The following GNAI3 variants were observed in gnomAD, a reference collection of about 807,000 sequenced individuals.
GNAI3 encodes guanine nucleotide-binding protein G(i) subunit alpha-3.
GNAI3 carries 12 observed loss-of-function variants against 41.8 expected under a neutral mutation model. The ratio of observed to expected loss-of-function variants is 0.29; its 90% CI spans 0.18 to 0.47. GNAI3 has a LOEUF of 0.47. Ranked by LOEUF, GNAI3 falls within the 20% of genes least tolerant of loss-of-function variation. The probability of loss-of-function intolerance (pLI) is 1.00; values close to 1 mark genes in which losing one functional copy is unlikely to be tolerated. For missense variants in GNAI3, 360 were observed against 429.6 expected (o/e 0.84, Z 1.43); for synonymous variants, 132 against 146.5 (o/e 0.90, Z 0.71).
Position 109,592,867 on chromosome 1 carries a change from A to G in GNAI3, c.*545A>G, listed in dbSNP as rs939288132. ...GGTATGGTCAGAATATAATACTTCCATAATTACTTATAATTCTTTCCGGTT... is the reference window on the plus strand; with the variant it reads ...GGTATGGTCAGAATATAATACTTCCGTAATTACTTATAATTCTTTCCGGTT... On this transcript the variant is annotated 3_prime_UTR_variant, in exon 9 of 9. Coordinates refer to ENST00000369851, the MANE Select transcript of GNAI3 (RefSeq NM_006496.4). 1 of 152,628 alleles carries G rather than the reference A, an allele frequency of 6.6e-6. No individual in the cohort carries two copies. The highest frequency in any genetic ancestry group is 2.4e-5 in the African/African-American group (1 of 41,446). The allele number at this position is 152,628 out of a possible 1,614,324, so 9.5% of individuals were successfully genotyped here. A position where few individuals can be genotyped will look rare whatever the true frequency, so the allele number is the denominator to read the frequency against.
At chr1:109,559,124 G>A (rs1315081683) in intron 1 of GNAI3, among the ~76,000 whole-genome samples, 3 of 151,878 alleles carry the variant, frequency 2.0e-5, no homozygotes, top group Non-Finnish European at 2.9e-5. Context: ...GTTGCAGCGC[G>A]CTGAGATTGT....
intron 7 of GNAI3, chr1:109,591,723 A>G (rs1313125677): frequency 8.1e-6 from 3 of 368,362 alleles, no homozygotes; most frequent in Non-Finnish European, 1.5e-5. Flanking sequence ...TTCCCTAGAA[A>G]TGCACCTTCC....
At chr1:109,552,729 T>G (rs557030243) in intron 1 of GNAI3, among the ~76,000 whole-genome samples, 17 of 152,308 alleles carry the variant, frequency 1.1e-4, no homozygotes, top group African/African-American at 4.1e-4. Context: ...TTTTTGTTTT[T>G]TTTTGACCCC....
intron 1 of GNAI3, among the ~76,000 whole-genome samples, chr1:109,562,397 C>A (rs1463690536): frequency 6.6e-6 from 1 of 152,070 alleles, no homozygotes; most frequent in Non-Finnish European, 1.5e-5. Flanking sequence ...AGGGGGGGTC[C>A]TGGAACCAGT....
intron 1 of GNAI3, among the ~76,000 whole-genome samples, chr1:109,558,910 A>T (rs907527423): frequency 3.3e-5 from 5 of 151,942 alleles, no homozygotes; most frequent in Admixed American, 3.3e-4. Flanking sequence ...CAGGCGCAGT[A>T]TCTCACACCT....
chr1:109,561,329 CA>C (rs1351236959), intron 1 of GNAI3, among the ~76,000 whole-genome samples: 2 of 152,228 alleles, frequency 1.3e-5, no homozygotes, highest in African/African-American at 4.8e-5. Flanking sequence ...GCAGATAGTA[CA>C]GAGTCCCTAT....
chr1:109,565,297 T>C (rs1383144207), intron 1 of GNAI3, among the ~76,000 whole-genome samples: 1 of 150,690 alleles, frequency 6.6e-6, no homozygotes, highest in Non-Finnish European at 1.5e-5. Flanking sequence ...ACTGAACAAA[T>C]AATAAATGAG....
intron 1 of GNAI3, among the ~76,000 whole-genome samples, chr1:109,572,736 T>C (rs1244151042): frequency 6.6e-6 from 1 of 152,102 alleles, no homozygotes; most frequent in Admixed American, 6.6e-5. Context: ...GAAAATAGTA[T>C]AGTAAGTTTG....
At chr1:109,551,208 G>A (rs559785724) in intron 1 of GNAI3, among the ~76,000 whole-genome samples, 3 of 152,298 alleles carry the variant, frequency 2.0e-5, no homozygotes, top group Admixed American at 6.5e-5. Context: ...ATATTCTTGA[G>A]CAAGTTAAAT....
At chr1:109,585,223 C>T (rs1234268931) in intron 5 of GNAI3, among the ~76,000 whole-genome samples, 1 of 152,218 alleles carries the variant, frequency 6.6e-6, no homozygotes, top group African/African-American at 2.4e-5. Flanking sequence ...ATGTGTACAT[C>T]ATTAGACCTA....
At chr1:109,559,846 A>G (rs370909924) in intron 1 of GNAI3, among the ~76,000 whole-genome samples, 14 of 152,234 alleles carry the variant, frequency 9.2e-5, no homozygotes, top group African/African-American at 2.6e-4. Context: ...CTGTAATTCA[A>G]GCTGTTTGAA....
chr1:109,557,939 T>A (rs1465415283), intron 1 of GNAI3, among the ~76,000 whole-genome samples: 1 of 152,180 alleles, frequency 6.6e-6, no homozygotes, highest in Non-Finnish European at 1.5e-5. Flanking sequence ...AGTTAATGTT[T>A]AATAAAGAGA....
At chr1:109,574,829 G>A (rs976336156) in intron 3 of GNAI3, among the ~76,000 whole-genome samples, 6 of 152,138 alleles carry the variant, frequency 3.9e-5, no homozygotes, top group South Asian at 2.1e-4. Context: ...GTGCCATGGC[G>A]AAATAAAAGG....
chr1:109,556,142 C>A lies in GNAI3; in HGVS notation c.118+7304C>A, dbSNP rs150153239. 2.3e-3 allele frequency among the ~76,000 whole-genome samples: 343 copies of A among 151,994 alleles called. 3 individuals are homozygous for A. Among genetic ancestry groups the A allele is most frequent in the African/African-American group, 8.1e-3 (334 of 41,428 alleles). Reference sequence around the variant, plus strand: ...TGCAACATCACTGCAACCTCTGCCTCCCAGGCTCAAACGATCCTCCCATCT... The same window carrying A: ...TGCAACATCACTGCAACCTCTGCCTACCAGGCTCAAACGATCCTCCCATCT... On this transcript the variant is annotated intron_variant, in intron 1 of 8. Coordinates refer to ENST00000369851, the MANE Select transcript of GNAI3 (RefSeq NM_006496.4).
At chr1:109,558,940 A>T (rs1648234472) in intron 1 of GNAI3, among the ~76,000 whole-genome samples, 1 of 152,100 alleles carries the variant, frequency 6.6e-6, no homozygotes, top group Non-Finnish European at 1.5e-5. Flanking sequence ...GCACTTTGGG[A>T]GGCCAAGGCA....
rs145906169 is a variant in GNAI3, at chr1:109,572,403, T to G, written c.119-1334T>G. Among the ~76,000 whole-genome samples the G allele has an allele frequency of 7.2e-5, 11 of 152,328 alleles. No homozygotes were observed. The East Asian group carries it at 1.9e-3, about 27-fold the overall frequency. ...CTGAAGGGTATGTTGGCTAGAAGCC[T>G]GCCTAGTGAAGAAAATATTTCAACT... On this transcript the variant is annotated intron_variant, in intron 1 of 8. Coordinates refer to ENST00000369851, the MANE Select transcript of GNAI3 (RefSeq NM_006496.4).
chr1:109,557,836 T>C (rs958042674), intron 1 of GNAI3, among the ~76,000 whole-genome samples: 1 of 152,106 alleles, frequency 6.6e-6, no homozygotes, highest in East Asian at 1.9e-4. Context: ...TATGGTTGGG[T>C]ATAGCAGAGT....
intron 1 of GNAI3, among the ~76,000 whole-genome samples, chr1:109,556,064 T>G (rs1006807449): frequency 2.8e-5 from 4 of 142,100 alleles, no homozygotes; most frequent in African/African-American, 6.0e-5. Flanking sequence ...TTTTGTTGAG[T>G]CTTACTCTGT....
Position 109,582,053 on chromosome 1 carries a change from G to A in GNAI3, c.462-384G>A, listed in dbSNP as rs139854048. Among the ~76,000 whole-genome samples, 775 of 152,040 alleles carry A rather than the reference G, an allele frequency of 5.1e-3. 1 individual carries two copies. The highest frequency in any genetic ancestry group is 8.8e-3 in the Non-Finnish European group (599 of 67,976). On this transcript the variant is annotated intron_variant, in intron 4 of 8. Transcript: ENST00000369851. ...TCTGTCACTCAGGCTGGTGTACAGTGGCACTCTGCAGCCTTGACCTCTTGG... is the reference window on the plus strand; with the variant it reads ...TCTGTCACTCAGGCTGGTGTACAGTAGCACTCTGCAGCCTTGACCTCTTGG...
Sources: allele counts gnomAD v4.1 joint callset (sites outside exome capture counted in the v4.1 genomes callset), GRCh38; gene constraint gnomAD v4.1.1; transcripts MANE v1.5; gene names NCBI Gene and HGNC (gene_info 2026-07-23, HGNC 2026-07-21).